Variants in SDC2 observed in about 807,000 individuals in gnomAD.
The protein encoded by SDC2 is syndecan 2.
Under a neutral mutation model 22.2 loss-of-function variants are expected in SDC2, and 13 were observed. The ratio of observed to expected loss-of-function variants is 0.59; its 90% confidence interval spans 0.38 to 0.93. The LOEUF is 0.93. SDC2 is among the 40% of genes least tolerant of loss of function. The pLI, the probability that SDC2 is intolerant of heterozygous loss-of-function variation, is 0.00. For synonymous variants in SDC2, 94 were observed against 92.8 expected, an observed-to-expected ratio of 1.01 and a Z score of -0.07; for missense variants, 235 against 246.8, an observed-to-expected ratio of 0.95 and a Z score of 0.32.
intron 1 of SDC2, among the ~76,000 whole-genome samples, chr8:96,573,444 G>T (rs1814436439): frequency 7.6e-6 from 1 of 132,066 alleles, no homozygotes; most frequent in South Asian, 2.4e-4. Flanking sequence ...TGCAAAATGG[G>T]GCTAATACCT....
intron 4 of SDC2, 77 bp from the exon 5 acceptor site, chr8:96,609,308 G>T: frequency 8.2e-7 from 1 of 1,221,666 alleles, no homozygotes. Context: ...AGTGTAAGTA[G>T]ATTAGGCTTG....
chr8:96,579,290 T>C (rs1010747341), intron 1 of SDC2, among the ~76,000 whole-genome samples: 3 of 152,262 alleles, frequency 2.0e-5, no homozygotes, highest in African/African-American at 7.2e-5. Context: ...ATCTGGAAAT[T>C]GGCTGTTGAT....
chr8:96,507,967 G>A (rs1281359758), intron 1 of SDC2, among the ~76,000 whole-genome samples: 1 of 148,472 alleles, frequency 6.7e-6, no homozygotes, highest in African/African-American at 2.5e-5. Context: ...TTCAAGACCA[G>A]CCTGGCCAAC....
chr8:96,581,492 T>C (rs1814589031), intron 1 of SDC2, among the ~76,000 whole-genome samples: 1 of 152,068 alleles, frequency 6.6e-6, no homozygotes, highest in African/African-American at 2.4e-5. Context: ...TAGCTGGGCA[T>C]AGAGTTGCAC....
At chr8:96,565,882 G>A (rs1814292002) in intron 1 of SDC2, among the ~76,000 whole-genome samples, 1 of 152,158 alleles carries the variant, frequency 6.6e-6, no homozygotes, top group South Asian at 2.1e-4. Flanking sequence ...GCAGCCAGTT[G>A]ACATAGCTGC....
At chr8:96,518,646 C>T (rs1368350668) in intron 1 of SDC2, among the ~76,000 whole-genome samples, 1 of 152,088 alleles carries the variant, frequency 6.6e-6, no homozygotes, top group African/African-American at 2.4e-5. Flanking sequence ...CGTGAGCCAC[C>T]GTGCCTGGCC....
At chr8:96,513,875 C>G (rs1813364180) in intron 1 of SDC2, among the ~76,000 whole-genome samples, 1 of 152,164 alleles carries the variant, frequency 6.6e-6, no homozygotes, top group Admixed American at 6.5e-5. Flanking sequence ...GTTTGGATGG[C>G]TGTTTACTGA....
intron 1 of SDC2, among the ~76,000 whole-genome samples, chr8:96,534,128 C>T (rs1285874068): frequency 6.6e-6 from 1 of 152,238 alleles, no homozygotes; most frequent in African/African-American, 2.4e-5. Context: ...AGCCCACGCC[C>T]ACCTGGAACT....
intron 1 of SDC2, among the ~76,000 whole-genome samples, chr8:96,499,760 GC>G (rs1813132058): frequency 6.9e-6 from 1 of 144,348 alleles, no homozygotes; most frequent in African/African-American, 2.5e-5. Flanking sequence ...TCCTCTCTTG[GC>G]CTTTTTTTTT....
intron 2 of SDC2, among the ~76,000 whole-genome samples, chr8:96,601,936 T>C (rs1165468204): frequency 1.4e-5 from 2 of 143,228 alleles, no homozygotes; most frequent in Non-Finnish European, 3.0e-5. Context: ...ATTTTTGAAT[T>C]TTTAGTAGAG....
chr8:96,611,557 A>C lies in SDC2; in HGVS notation c.*2009A>C, dbSNP rs974818604. On this transcript the variant is annotated 3_prime_UTR_variant, in exon 5 of 5. Transcript: ENST00000302190. ...AGTGACTAAAAGGAAACGATAGCCT[A>C]GCTTTCTAAAGCCACGCTGTGTCCC... The C allele has an allele frequency of 6.5e-6, 1 of 152,748 alleles. No homozygotes were observed. The highest frequency in any genetic ancestry group is 1.9e-4 in the East Asian group (1 of 5,182). 9.5% of individuals were successfully genotyped at this position (152,748 alleles called of 1,614,324 possible).
At chr8:96,529,386 A>C (rs1416856786) in intron 1 of SDC2, 1 of 152,196 alleles carries the variant, frequency 6.6e-6, no homozygotes, top group Non-Finnish European at 1.5e-5. Flanking sequence ...GCCTCATTCA[A>C]ATTTACTGTT....
At chr8:96,596,772 C>A (rs2575714) in intron 2 of SDC2, among the ~76,000 whole-genome samples, 2,197 of 152,114 alleles carry the variant, frequency 0.014, 64 homozygotes, top group African/African-American at 0.05. Context: ...TAAGGACAAA[C>A]GAAACAGTAA....
intron 1 of SDC2, among the ~76,000 whole-genome samples, chr8:96,547,347 A>G (rs1160817273): frequency 1.3e-5 from 2 of 152,336 alleles, no homozygotes; most frequent in Non-Finnish European, 2.9e-5. Flanking sequence ...CTCCACTTAC[A>G]GTGTGAGCCA....
intron 1 of SDC2, among the ~76,000 whole-genome samples, chr8:96,518,357 A>G (rs1340346632): frequency 1.5e-5 from 2 of 131,388 alleles, no homozygotes; most frequent in African/African-American, 2.9e-5. Flanking sequence ...CCTTACCTTG[A>G]GAGGTTTTTT....
rs556586415 is a variant in SDC2, at chr8:96,568,194, C to T, written c.61-25286C>T. ...TCCAGCAAAGCCTGCGGGTTTTCCT[C>T]TCTTCCTCAGAAGTTCTTAATTACT... On this transcript the variant is annotated intron_variant, in intron 1 of 4. Coordinates refer to ENST00000302190, the MANE Select transcript of SDC2 (RefSeq NM_002998.4). Among the ~76,000 whole-genome samples the T allele has an allele frequency of 2.0e-5, 3 of 152,350 alleles. No individual in the cohort carries two copies. In the South Asian group the frequency reaches 6.2e-4, roughly 32 times the overall value.
intron 1 of SDC2, among the ~76,000 whole-genome samples, chr8:96,501,351 G>A: frequency 7.8e-6 from 1 of 128,988 alleles, no homozygotes; most frequent in African/African-American, 3.0e-5. Flanking sequence ...CCGTCGCCCA[G>A]GCTGGAGTGC....
chr8:96,538,884 G>A (rs2589201), intron 1 of SDC2: 106,706 of 152,144 alleles, frequency 0.7, 37,551 homozygotes, highest in East Asian at 0.74. Context: ...CCTTCTGGAC[G>A]TAGTCCTTGG....
chr8:96,551,273 TGA>T (rs1478428370), intron 1 of SDC2, among the ~76,000 whole-genome samples: 4 of 152,194 alleles, frequency 2.6e-5, no homozygotes, highest in African/African-American at 9.7e-5. Flanking sequence ...TAAGTGGGAT[TGA>T]GAGAAAACCT....
Sources: gnomAD v4.1 joint callset for allele counts (sites outside exome capture counted in the v4.1 genomes callset) on GRCh38, gnomAD v4.1.1 for gene constraint, MANE v1.5 for transcripts, NCBI Gene and HGNC (gene_info 2026-07-23, HGNC 2026-07-21) for gene names.